Variants in VIRMA observed in about 807,000 individuals in gnomAD.
VIRMA encodes the protein protein virilizer homolog.
A neutral mutation model predicts 182.4 loss-of-function variants in VIRMA; 65 were observed. The ratio of observed to expected loss-of-function variants is 0.36; its 90% CI spans 0.29 to 0.44. VIRMA has a LOEUF of 0.44. VIRMA is among the 20% of genes least tolerant of loss of function. The probability of loss-of-function intolerance (pLI) is 1.00; values close to 1 mark genes in which losing one functional copy is unlikely to be tolerated. For synonymous variants in VIRMA, 709 were observed against 743.1 expected (o/e 0.95, Z 0.75); for missense variants, 1,752 against 2,158.1 (o/e 0.81, Z 3.73).
intron 15 of VIRMA, among the ~76,000 whole-genome samples, chr8:94,508,544 T>C (rs2130300068): frequency 6.6e-6 from 1 of 152,306 alleles, no homozygotes; most frequent in Admixed American, 6.5e-5. Flanking sequence ...GAGATTCGTG[T>C]GACCAAGGCA....
intron 13 of VIRMA, chr8:94,510,886 T>G: frequency 9.9e-7 from 1 of 1,006,880 alleles, no homozygotes; most frequent in Non-Finnish European, 1.4e-6. Context: ...ATCTAGTTAT[T>G]GGCAAATTCT....
At chr8:94,538,107 T>C (rs1432425014) in intron 3 of VIRMA, among the ~76,000 whole-genome samples, 153 bp downstream of exon 3, 1 of 152,212 alleles carries the variant, frequency 6.6e-6, no homozygotes, top group Admixed American at 6.5e-5. Flanking sequence ...CCTTAGGAGT[T>C]TGACATTTCT....
At chr8:94,504,960 T>C (rs529914280) in intron 16 of VIRMA, among the ~76,000 whole-genome samples, 18 of 152,280 alleles carry the variant, frequency 1.2e-4, no homozygotes, top group Non-Finnish European at 2.1e-4. Context: ...TCATAGATAA[T>C]ACGATAGCAC....
At chr8:94,518,091 T>C (rs1357560090) in intron 9 of VIRMA, 149 bp from the exon 10 acceptor site, 1 of 585,582 alleles carries the variant, frequency 1.7e-6, no homozygotes, top group Non-Finnish European at 3.0e-6. Flanking sequence ...AATCAGATTT[T>C]ACAGTTCATA....
intron 16 of VIRMA, among the ~76,000 whole-genome samples, chr8:94,505,654 T>C (rs796881672): frequency 2.0e-5 from 3 of 152,126 alleles, no homozygotes; most frequent in African/African-American, 7.2e-5. Context: ...AACTAATTTG[T>C]AAATTTTTTT....
Position 94,541,279 on chromosome 8 carries a change from G to A in VIRMA, c.179+2548C>T, listed in dbSNP as rs554254976. Among the ~76,000 whole-genome samples the A allele has an allele frequency of 2.3e-4, 35 of 151,580 alleles. No individual in the cohort carries two copies. In the Middle Eastern group the frequency reaches 0.014, roughly 59 times the overall value. ...GAGGACTACAGGCATGAGCCACCAC[G>A]CCCAACTAATTTTTAAATTTTTTGT... On this transcript the variant is annotated intron_variant, in intron 2 of 23. Transcript: ENST00000297591.
chr8:94,487,956 A>G lies in VIRMA; in HGVS notation c.*750T>C, dbSNP rs1813499714. Reference sequence around the variant, plus strand: ...TCAGATTTCTAATACAAAGGAGAGGAGTATTTTGTTTCTTTTGGTACAGCC... The same window carrying G: ...TCAGATTTCTAATACAAAGGAGAGGGGTATTTTGTTTCTTTTGGTACAGCC... On this transcript the variant is annotated 3_prime_UTR_variant, in exon 24 of 24. Coordinates refer to ENST00000297591, the MANE Select transcript of VIRMA (RefSeq NM_015496.5). The G allele has an allele frequency of 6.6e-6, 1 of 152,202 alleles. No individual in the cohort carries two copies. The highest frequency in any genetic ancestry group is 1.5e-5 in the Non-Finnish European group (1 of 68,032). The allele number at this position is 152,202 out of a possible 1,614,324, so 9.4% of individuals were successfully genotyped here.
rs962767468 is a variant in VIRMA at position 94,529,250 on chromosome 8, A to G, written c.700T>C (p.Tyr234His). 11 of 1,607,082 alleles carry G rather than the reference A, an allele frequency of 6.8e-6. No individual in the cohort carries two copies. The highest frequency in any genetic ancestry group is 9.4e-6 in the Non-Finnish European group (11 of 1,173,698). Residue 234 changes from tyrosine to histidine, a missense_variant, in exon 7 of 24, where the codon TAT becomes CAT. Physicochemically the swap from Tyr to His is moderately conservative, Grantham distance 83. Transcript: ENST00000297591. ...DRNSVPQEGQ[Y>H]SDEGEVEEEQ... The stretch of plus-strand genomic sequence containing the variant: ...TCTTCTACTTCTCCTTCATCAGAAT[A>G]TTGCCCTTCCTGGGGAACAGAATTC...
chr8:94,531,021 T>C lies in VIRMA; in HGVS notation c.549A>G (p.Arg183=), dbSNP rs374008039. ...CAGGTGGAGGGGGTCCTGGAGGAGT[T>C]CTTGGTCCCCTTGGCTGTGGTCTTG... ...SPPRPQPRGP[R]TPPGPPPPDD... The change falls in exon 6 of 24, where the codon AGA becomes AGG. Residue 183 remains arginine, a synonymous_variant. Transcript: ENST00000297591. The C allele has an allele frequency of 1.9e-6, 3 of 1,604,050 alleles. No individual in the cohort carries two copies. The African/African-American group carries it at 4.0e-5, about 22-fold the overall frequency.
At chr8:94,527,758 A>G (rs1260567947) in intron 7 of VIRMA, among the ~76,000 whole-genome samples, 1 of 152,032 alleles carries the variant, frequency 6.6e-6, no homozygotes, top group East Asian at 1.9e-4. Context: ...TTTAAGACCA[A>G]AAAAAACTGG....
intron 16 of VIRMA, among the ~76,000 whole-genome samples, chr8:94,503,482 T>C (rs752020127): frequency 1.6e-3 from 248 of 152,180 alleles, no homozygotes; most frequent in Non-Finnish European, 3.0e-3. Flanking sequence ...AGGGACATTC[T>C]ACAAAACAAG....
intron 11 of VIRMA, among the ~76,000 whole-genome samples, chr8:94,512,740 G>T (rs542177911): frequency 6.6e-6 from 1 of 152,278 alleles, no homozygotes; most frequent in Non-Finnish European, 1.5e-5. Context: ...TTGTGCCATT[G>T]CACTCCAGCC....
Position 94,488,371 on chromosome 8 carries a change from AGTACTGAG to A in VIRMA, c.*327_*334del, listed in dbSNP as rs1446952571. On this transcript the variant is annotated 3_prime_UTR_variant, in exon 24 of 24. Transcript: ENST00000297591. Reference sequence around the variant, plus strand: ...TTTGGACCAGGTATGCTGTGAAAAAAGTACTGAGGCACTAAATAGTGTCATGAGCTGAG... The same window carrying A: ...TTTGGACCAGGTATGCTGTGAAAAAAGCACTAAATAGTGTCATGAGCTGAG... The A allele has an allele frequency of 6.0e-5, 11 of 184,218 alleles. No homozygotes were observed. In the East Asian group the frequency reaches 1.3e-3, roughly 22 times the overall value. The allele number at this position is 184,218 out of a possible 1,614,324, so 11.4% of individuals were successfully genotyped here.
chr8:94,494,235 G>A (rs757212224), intron 20 of VIRMA, among the ~76,000 whole-genome samples: 13 of 152,062 alleles, frequency 8.5e-5, no homozygotes, highest in Non-Finnish European at 1.6e-4. Context: ...AGAGAGGATT[G>A]TTTGAGGCTA....
chr8:94,545,130 T>C (rs1815717813), intron 1 of VIRMA, among the ~76,000 whole-genome samples: 1 of 151,980 alleles, frequency 6.6e-6, no homozygotes. Flanking sequence ...GACTCCATCC[T>C]GGGGAAAAAA....
At chr8:94,521,935 A>G (rs1433472275) in intron 8 of VIRMA, among the ~76,000 whole-genome samples, 1 of 152,176 alleles carries the variant, frequency 6.6e-6, no homozygotes, top group African/African-American at 2.4e-5. Flanking sequence ...GTCTGCTTGC[A>G]AGGTTGGCTA....
intron 17 of VIRMA, 55 bp downstream of exon 17, chr8:94,499,319 A>C: frequency 1.6e-6 from 2 of 1,279,782 alleles, no homozygotes; most frequent in Non-Finnish European, 2.1e-6. Context: ...CAAATTTAAG[A>C]AACACCAAAT....
rs142239367 is a variant in VIRMA at position 94,509,870 on chromosome 8, C to A, written c.3697G>T (p.Ala1233Ser). The A allele has an allele frequency of 1.2e-6, 2 of 1,613,668 alleles. No homozygotes were observed. The highest frequency in any genetic ancestry group is 1.3e-5 in the African/African-American group (1 of 74,890). The change falls in exon 15 of 24, where the codon GCT becomes TCT. Residue 1233 changes from alanine to serine, a missense_variant. Around this residue, in one of 11 missense-constraint regions of VIRMA, gnomAD observed 777 missense variants for 920.6 expected, o/e 0.84. Transcript: ENST00000297591. Reference sequence around the variant, plus strand: ...GCTAATTTACAAGCTTTGTGTGAAGCCAGAGCATCAAGAAGAGCAAGCAAC... The same window carrying A: ...GCTAATTTACAAGCTTTGTGTGAAGACAGAGCATCAAGAAGAGCAAGCAAC... ...TRLLALLDAL[A>S]SHKACKLAIL...
intron 5 of VIRMA, among the ~76,000 whole-genome samples, chr8:94,533,049 A>G (rs1815224273): frequency 6.6e-6 from 1 of 152,152 alleles, no homozygotes; most frequent in South Asian, 2.1e-4. Context: ...TTTAAAACAA[A>G]TCAGTAAATT....
Sources: allele counts gnomAD v4.1 joint callset (sites outside exome capture counted in the v4.1 genomes callset), GRCh38; gene constraint gnomAD v4.1.1; regional missense constraint gnomAD v4.1.1; transcripts MANE v1.5; gene names NCBI Gene and HGNC (gene_info 2026-07-23, HGNC 2026-07-21).